The following EPHA7 variants were observed in gnomAD, a reference collection of about 807,000 sequenced individuals.
The protein encoded by EPHA7 is EPH receptor A7.
In EPHA7, 25 loss-of-function variants were observed where a neutral mutation model predicts 112.6. The ratio of observed to expected loss-of-function variants is 0.22; its 90% confidence interval spans 0.16 to 0.31. The LOEUF (loss-of-function observed/expected upper bound fraction) is 0.31, where lower values mean the gene tolerates loss of function less well. Among genes scored for constraint, EPHA7 ranks in the 10% least tolerant of loss-of-function variants. The pLI is 1.00. For synonymous variants in EPHA7, 437 were observed against 406.5 expected (o/e 1.07, Z -0.90); for missense variants, 962 against 1,212.6 (o/e 0.79, Z 3.07).
chr6:93,320,951 A>G (rs953252264), intron 5 of EPHA7, among the ~76,000 whole-genome samples: 2 of 151,954 alleles, frequency 1.3e-5, no homozygotes, highest in Non-Finnish European at 2.9e-5. Flanking sequence ...TTAGCAAGAT[A>G]GTTTGTGTAT....
rs1206527280 is a variant in EPHA7 at position 93,258,195 on chromosome 6, T to C, written c.2014A>G (p.Thr672Ala). The change falls in exon 11 of 17, where the codon ACA becomes GCA. Residue 672 changes from threonine (T) to alanine (A), a missense_variant. Coordinates refer to ENST00000369303, the MANE Select transcript of EPHA7 (RefSeq NM_004440.4). Reference protein sequence around the residue: ...VAIKTLKVGYTEKQRRDFLCE... With the variant: ...VAIKTLKVGYAEKQRRDFLCE... ...AAAAAGTCTCTCCTTTGTTTTTCTG[T>C]GTAACCAACTTTCAGGGTTTTTATG... is the stretch of plus-strand genomic sequence containing the variant. 6 of 1,613,512 alleles carry C rather than the reference T, an allele frequency of 3.7e-6. No individual in the cohort carries two copies. Among genetic ancestry groups the C allele is most frequent in the Non-Finnish European group, 5.1e-6 (6 of 1,179,654 alleles).
intron 3 of EPHA7, among the ~76,000 whole-genome samples, chr6:93,380,214 C>T (rs1220091302): frequency 6.6e-6 from 1 of 152,062 alleles, no homozygotes; most frequent in South Asian, 2.1e-4. Context: ...AATAATATCT[C>T]TCATAATTCC....
chr6:93,375,564 G>A (rs1274820072), intron 3 of EPHA7, among the ~76,000 whole-genome samples: 3 of 151,114 alleles, frequency 2.0e-5, no homozygotes, highest in African/African-American at 7.3e-5. Context: ...GTTACAGTGA[G>A]CCTAGCAGAG....
chr6:93,404,313 T>A (rs1778582547), intron 3 of EPHA7, among the ~76,000 whole-genome samples: 1 of 151,928 alleles, frequency 6.6e-6, no homozygotes, highest in Non-Finnish European at 1.5e-5. Context: ...TTATGATAAA[T>A]GAAAGAAAAT....
At chr6:93,415,918 C>G (rs1779198616) in intron 1 of EPHA7, among the ~76,000 whole-genome samples, 1 of 152,044 alleles carries the variant, frequency 6.6e-6, no homozygotes, top group Non-Finnish European at 1.5e-5. Context: ...AACAAAGGAA[C>G]AACTGATTAT....
At chr6:93,348,522 G>A (rs1345380366) in intron 5 of EPHA7, among the ~76,000 whole-genome samples, 2 of 151,548 alleles carry the variant, frequency 1.3e-5, no homozygotes, top group Non-Finnish European at 2.9e-5. Context: ...TCAAAGTTAA[G>A]GTTTATTTGT....
chr6:93,261,018 C>T (rs983352400), intron 9 of EPHA7, among the ~76,000 whole-genome samples: 1 of 151,478 alleles, frequency 6.6e-6, no homozygotes, highest in Non-Finnish European at 1.5e-5. Context: ...TGGAGGTAAC[C>T]TTCTGCATCT....
intron 5 of EPHA7, among the ~76,000 whole-genome samples, chr6:93,355,170 G>A (rs1775884424): frequency 6.6e-6 from 1 of 152,056 alleles, no homozygotes. Context: ...GGTAAGTCCA[G>A]GTAATTAGCT....
intron 2 of EPHA7, 146 bp from the exon 3 acceptor site, chr6:93,411,316 T>C (rs571440729): frequency 1.7e-4 from 109 of 653,254 alleles, no homozygotes; most frequent in Admixed American, 3.2e-4. Context: ...GAATGTAAGA[T>C]TCCAGGTTCT....
chr6:93,247,428 A>T (rs372552486), intron 14 of EPHA7, among the ~76,000 whole-genome samples: 2 of 152,362 alleles, frequency 1.3e-5, no homozygotes, highest in Non-Finnish European at 2.9e-5. Flanking sequence ...GCAAAATAAT[A>T]TGAATGTACT....
At chr6:93,285,316 C>T (rs1260059910) in intron 5 of EPHA7, among the ~76,000 whole-genome samples, 2 of 152,130 alleles carry the variant, frequency 1.3e-5, no homozygotes, top group South Asian at 2.1e-4. Flanking sequence ...AATCACTGCA[C>T]TGGGAAGATC....
intron 5 of EPHA7, among the ~76,000 whole-genome samples, chr6:93,330,868 G>T (rs561065788): frequency 6.6e-6 from 1 of 151,200 alleles, no homozygotes; most frequent in Non-Finnish European, 1.5e-5. Flanking sequence ...TGTTACCTTG[G>T]GTATCAGCTG....
chr6:93,288,848 C>T (rs1772207300), intron 5 of EPHA7, among the ~76,000 whole-genome samples: 1 of 152,114 alleles, frequency 6.6e-6, no homozygotes, highest in South Asian at 2.1e-4. Context: ...TAGCAAATAT[C>T]TTTTTATAAC....
chr6:93,269,766 C>T, intron 6 of EPHA7, 106 bp from the exon 7 acceptor site: 1 of 845,680 alleles, frequency 1.2e-6, no homozygotes, highest in Non-Finnish European at 1.8e-6. Flanking sequence ...TTTATAGAGG[C>T]TACATTGTAC....
intron 1 of EPHA7, 97 bp from the exon 2 acceptor site, chr6:93,414,864 ATGACT>A (rs1779149274): frequency 7.8e-6 from 7 of 902,514 alleles, no homozygotes; most frequent in Non-Finnish European, 1.0e-5. Context: ...CTATCACTAT[ATGACT>A]TAAGATCTGT....
chr6:93,333,392 A>G (rs181371376), intron 5 of EPHA7, among the ~76,000 whole-genome samples: 10 of 151,846 alleles, frequency 6.6e-5, no homozygotes, highest in Middle Eastern at 3.4e-3. Context: ...TATTCCTTTC[A>G]TTATATATCC....
intron 8 of EPHA7, 28 bp from the exon 9 acceptor site, chr6:93,263,943 TCA>T: frequency 1.3e-6 from 2 of 1,582,160 alleles, no homozygotes; most frequent in Non-Finnish European, 8.7e-7. Context: ...TGTGACAATC[TCA>T]GTCATTTTAC....
intron 5 of EPHA7, among the ~76,000 whole-genome samples, chr6:93,293,105 AT>A (rs1328877260): frequency 1.3e-5 from 2 of 151,970 alleles, no homozygotes; most frequent in Non-Finnish European, 2.9e-5. Flanking sequence ...TATTGACAAA[AT>A]CATACACATT....
chr6:93,264,388 C>T (rs1489452152), intron 8 of EPHA7, among the ~76,000 whole-genome samples: 1 of 151,500 alleles, frequency 6.6e-6, no homozygotes, highest in Non-Finnish European at 1.5e-5. Context: ...AACTGCAATA[C>T]TCATTCTCTT....
Sources: gnomAD v4.1 joint callset for allele counts (sites outside exome capture counted in the v4.1 genomes callset) on GRCh38, gnomAD v4.1.1 for gene constraint, MANE v1.5 for transcripts, NCBI Gene and HGNC (gene_info 2026-07-23, HGNC 2026-07-21) for gene names.